Variants in DNAI4 observed in about 807,000 individuals in gnomAD.
The protein encoded by DNAI4 is WD repeat domain 78.
In DNAI4, 85 loss-of-function variants were observed where a neutral mutation model predicts 105.8. That is an observed-to-expected ratio of 0.80 (90% CI 0.67 to 0.96). The LOEUF is 0.96. DNAI4 is among the 40% of genes least tolerant of loss of function. The probability of loss-of-function intolerance (pLI) is 0.00; values close to 1 mark genes in which losing one functional copy is unlikely to be tolerated. For missense variants in DNAI4, 1,014 were observed against 1,005.6 expected, an observed-to-expected ratio of 1.01 and a Z score of -0.11; for synonymous variants, 352 against 331.5, an observed-to-expected ratio of 1.06 and a Z score of -0.67.
At chr1:66,923,782 G>C (rs536411151) in intron 1 of DNAI4, among the ~76,000 whole-genome samples, 16 of 152,230 alleles carry the variant, frequency 1.1e-4, no homozygotes, top group African/African-American at 3.9e-4. Context: ...GATTGGAGAG[G>C]GGAAGAGAAA....
chr1:66,848,040 C>G (rs528935971), intron 7 of DNAI4: 22 of 367,636 alleles, frequency 6.0e-5, no homozygotes, highest in African/African-American at 4.7e-4. Context: ...ATTAAGTTTT[C>G]TCTTGCTGCT....
chr1:66,842,910 T>C (rs887600556), intron 8 of DNAI4, among the ~76,000 whole-genome samples: 6 of 152,042 alleles, frequency 3.9e-5, no homozygotes, highest in East Asian at 1.9e-4. Flanking sequence ...AAATCTGATA[T>C]TGAAAGGTCA....
At chr1:66,847,981 GA>G in intron 7 of DNAI4, 1 of 355,390 alleles carries the variant, frequency 2.8e-6, no homozygotes, top group Non-Finnish European at 5.2e-6. Flanking sequence ...TCAGCCTTCA[GA>G]AAAAGGTCTG....
rs1231470176 is a variant in DNAI4 at position 66,813,891 on chromosome 1, A to G, written c.*239T>C. 2.5e-6 allele frequency: 1 copy of G among 407,634 alleles called. No individual in the cohort carries two copies. The highest frequency in any genetic ancestry group is 2.1e-5 in the African/African-American group (1 of 48,552). The allele number at this position is 407,634 out of a possible 1,614,324, so 25.3% of individuals were successfully genotyped here. On this transcript the variant is annotated 3_prime_UTR_variant, in exon 17 of 17. Coordinates refer to ENST00000371026, the MANE Select transcript of DNAI4 (RefSeq NM_024763.5). ...TATGTACTTAGAATATGATCAAGAG[A>G]GTAGGAATATCTTTAGAAAAATTAA...
chr1:66,814,263 T>C (rs768434469), intron 16 of DNAI4, 83 bp from the exon 17 acceptor site: 4 of 1,094,910 alleles, frequency 3.7e-6, no homozygotes, highest in Non-Finnish European at 5.3e-6. Context: ...CATTTAAAAT[T>C]TATAAGTTAG....
intron 6 of DNAI4, among the ~76,000 whole-genome samples, chr1:66,869,996 C>G (rs1394645113): frequency 6.6e-6 from 1 of 152,144 alleles, no homozygotes; most frequent in Non-Finnish European, 1.5e-5. Flanking sequence ...TAAAAGAAAA[C>G]ATTAGGAGTA....
intron 1 of DNAI4, among the ~76,000 whole-genome samples, chr1:66,914,474 G>A (rs1649915166): frequency 1.3e-5 from 2 of 152,112 alleles, no homozygotes; most frequent in African/African-American, 4.8e-5. Context: ...CTGTGTGTAT[G>A]TGCATTAAAA....
chr1:66,890,866 G>GGAAGAA lies in DNAI4; in HGVS notation c.643+282_643+287dup, dbSNP rs56842115. On this transcript the variant is annotated intron_variant, in intron 4 of 16. Transcript: ENST00000371026. This position sits in a 1 kb window ranked among gnomAD's most constrained non-coding sequence, Gnocchi z 4.1. ...AGGAAGAGGAAGAAGAAGAGGAAGA[G>GGAAGAA]GAAGAAGAAGAAGAAGAAGCAGAAG... The GGAAGAA allele has an allele frequency of 0.17, 70,511 of 419,368 alleles. 7,517 individuals are homozygous for GGAAGAA. Among genetic ancestry groups the GGAAGAA allele is most frequent in the African/African-American group, 0.4 (18,900 of 46,796 alleles). 26.0% of individuals were successfully genotyped at this position (419,368 alleles called of 1,614,324 possible). A position where few individuals can be genotyped will look rare whatever the true frequency, so the allele number is the denominator to read the frequency against.
At position 66,890,800 on chromosome 1, in the gene DNAI4, G is replaced by GAAGAAGAGGAA. The variant is rs1433890219; in HGVS notation, c.643+343_643+353dup. Reference sequence around the variant, plus strand: ...AGGAAGAGGAGGAAGAAGAAGTGAGGAAGAAGAGGAAAAGAAGAGGAAAAG... The same window carrying GAAGAAGAGGAA: ...AGGAAGAGGAGGAAGAAGAAGTGAGGAAGAAGAGGAAAAGAAGAGGAAAAGAAGAGGAAAAG... On this transcript the variant is annotated intron_variant, in intron 4 of 16. Transcript: ENST00000371026. This position sits in a 1 kb window ranked among gnomAD's most constrained non-coding sequence, Gnocchi z 4.1. The GAAGAAGAGGAA allele has an allele frequency of 3.3e-6, 1 of 299,364 alleles. No individual in the cohort carries two copies. The highest frequency in any genetic ancestry group is 2.3e-5 in the African/African-American group (1 of 43,256). The allele number at this position is 299,364 out of a possible 1,614,324, so 18.5% of individuals were successfully genotyped here. A position where few individuals can be genotyped will look rare whatever the true frequency, so the allele number is the denominator to read the frequency against.
intron 5 of DNAI4, among the ~76,000 whole-genome samples, chr1:66,873,520 G>A (rs887995975): frequency 2.0e-5 from 3 of 152,302 alleles, no homozygotes; most frequent in Admixed American, 2.0e-4. Context: ...CAGAGTGCTG[G>A]GATTACAGGC....
chr1:66,838,759 ATC>A, intron 9 of DNAI4, among the ~76,000 whole-genome samples: 1 of 152,164 alleles, frequency 6.6e-6, no homozygotes, highest in Non-Finnish European at 1.5e-5. Context: ...ACATTGACAT[ATC>A]CCTATTTATC....
intron 15 of DNAI4, among the ~76,000 whole-genome samples, chr1:66,824,452 A>G (rs986140287): frequency 6.6e-6 from 1 of 152,122 alleles, no homozygotes; most frequent in Non-Finnish European, 1.5e-5. Context: ...GAAGAAAGTC[A>G]TTGGTAGCTT....
intron 1 of DNAI4, among the ~76,000 whole-genome samples, chr1:66,908,581 ATAAAC>A (rs1223762981): frequency 6.6e-6 from 1 of 152,188 alleles, no homozygotes; most frequent in East Asian, 1.9e-4. Flanking sequence ...ACTGTGAATA[ATAAAC>A]TATTTTTTCA....
intron 6 of DNAI4, among the ~76,000 whole-genome samples, chr1:66,870,334 C>T (rs149504502): frequency 0.011 from 1,642 of 151,172 alleles, 31 homozygotes; most frequent in African/African-American, 0.037. Flanking sequence ...CCCAGCTACT[C>T]GGGAGGCTGA....
intron 4 of DNAI4, among the ~76,000 whole-genome samples, chr1:66,880,564 G>C (rs1212470189): frequency 1.3e-5 from 2 of 152,170 alleles, no homozygotes; most frequent in African/African-American, 2.4e-5. Flanking sequence ...ACTTGAACTT[G>C]AGAGAGATTT....
chr1:66,884,839 A>G (rs1056870009), intron 4 of DNAI4, among the ~76,000 whole-genome samples: 28 of 152,214 alleles, frequency 1.8e-4, no homozygotes, highest in African/African-American at 6.0e-4. Flanking sequence ...CCTGTGACCA[A>G]ATTAACCAGA....
chr1:66,862,663 T>C (rs879844928), intron 6 of DNAI4, among the ~76,000 whole-genome samples: 9 of 152,212 alleles, frequency 5.9e-5, no homozygotes, highest in African/African-American at 2.2e-4. Flanking sequence ...AAGAAATACA[T>C]CATGAGGATA....
intron 2 of DNAI4, among the ~76,000 whole-genome samples, chr1:66,902,082 C>T (rs1464474005): frequency 6.6e-6 from 1 of 152,184 alleles, no homozygotes; most frequent in Non-Finnish European, 1.5e-5. Context: ...ATCTTCCTGC[C>T]TCAGCTTCTC....
intron 7 of DNAI4, chr1:66,847,919 C>T (rs1444430619): frequency 2.2e-6 from 1 of 459,948 alleles, no homozygotes; most frequent in Non-Finnish European, 3.8e-6. Flanking sequence ...TGATAACCTC[C>T]AGAGGTAATT....
Sources: allele counts gnomAD v4.1 joint callset (sites outside exome capture counted in the v4.1 genomes callset), GRCh38; gene constraint gnomAD v4.1.1; non-coding constraint Gnocchi (gnomAD v3.1); transcripts MANE v1.5; gene names NCBI Gene and HGNC (gene_info 2026-07-23, HGNC 2026-07-21).